The following ZNF106 variants were observed in gnomAD, a reference collection of about 807,000 sequenced individuals.
ZNF106 encodes SH3-domain binding protein 3.
ZNF106 carries 67 observed loss-of-function variants against 195.1 expected under a neutral mutation model. The ratio of observed to expected loss-of-function variants is 0.34; its 90% confidence interval spans 0.28 to 0.42. The LOEUF (loss-of-function observed/expected upper bound fraction) is 0.42, where lower values mean the gene tolerates loss of function less well. ZNF106 is among the 10% of genes least tolerant of loss of function. ZNF106 has a pLI of 1.00. For synonymous variants in ZNF106, 784 were observed against 818.6 expected (o/e 0.96, Z 0.72); for missense variants, 2,118 against 2,304.5 (o/e 0.92, Z 1.66).
Position 42,464,092 on chromosome 15 carries a change from A to G in ZNF106, c.116+1961T>C, listed in dbSNP as rs187331004. ...CATGGTGGCTCACGCCTGTAATCCC[A>G]GCACTTTGGGAGGCCGAGGCGGGCA... On this transcript the variant is annotated intron_variant, in intron 3 of 21. Transcript: ENST00000564754. Among the ~76,000 whole-genome samples the G allele has an allele frequency of 1.8e-4, 27 of 148,174 alleles. No homozygotes were observed. In the East Asian group the frequency reaches 4.4e-3, roughly 24 times the overall value.
At position 42,444,234 on chromosome 15, in the gene ZNF106, G is replaced by A; in HGVS notation, c.3389C>T (p.Thr1130Ile). 6.2e-7 allele frequency: 1 copy of A among 1,610,856 alleles called. No homozygotes were observed. Among genetic ancestry groups the A allele is most frequent in the Non-Finnish European group, 8.5e-7 (1 of 1,178,404 alleles). ...TCCCTGTAGAATCTGTATTCTATGG[G>A]TCCTCAGTGCACTCATCTCCATAGT... ...QITMEMSALR[T>I]HRIQILQGLQ... Residue 1130 changes from threonine to isoleucine, a missense_variant, in exon 9 of 22, where the codon ACC becomes ATC. Thr to Ile is a moderately conservative substitution (Grantham distance 89). Transcript: ENST00000564754.
intron 1 of ZNF106, among the ~76,000 whole-genome samples, chr15:42,484,068 T>C (rs954107285): frequency 6.6e-6 from 1 of 152,224 alleles, no homozygotes; most frequent in Non-Finnish European, 1.5e-5. Flanking sequence ...TCCTAAAACA[T>C]ATCATTGTGG....
Position 42,465,892 on chromosome 15 carries a change from T to A in ZNF106, c.116+161A>T, listed in dbSNP as rs562353369. 2.6e-5 allele frequency among the ~76,000 whole-genome samples: 4 copies of A among 152,322 alleles called. No homozygotes were observed. The East Asian group carries it at 7.7e-4, about 29-fold the overall frequency. On this transcript the variant is annotated intron_variant, in intron 3 of 21. Transcript: ENST00000564754. ...GGTATCAGAGTTTATCCCTTTTGAATGCCAAAAATCTACTACACTTGGTAT... is the reference window on the plus strand; with the variant it reads ...GGTATCAGAGTTTATCCCTTTTGAAAGCCAAAAATCTACTACACTTGGTAT...
At chr15:42,435,671 G>T (rs536917026) in intron 13 of ZNF106, among the ~76,000 whole-genome samples, 153 bp from the exon 14 acceptor site, 1 of 152,282 alleles carries the variant, frequency 6.6e-6, no homozygotes, top group African/African-American at 2.4e-5. Context: ...CTCAGTAAAT[G>T]TATGTTCACC....
At chr15:42,477,978 A>G (rs998488778) in intron 1 of ZNF106, among the ~76,000 whole-genome samples, 1 of 151,336 alleles carries the variant, frequency 6.6e-6, no homozygotes, top group Non-Finnish European at 1.5e-5. Context: ...ATACACTGTT[A>G]TTTATTTATT....
intron 15 of ZNF106, 128 bp downstream of exon 15, chr15:42,427,890 T>G: frequency 1.5e-6 from 1 of 678,388 alleles, no homozygotes; most frequent in Non-Finnish European, 2.6e-6. Flanking sequence ...TGTGTTTGAG[T>G]AGTGGCTAAT....
intron 20 of ZNF106, 84 bp downstream of exon 20, chr15:42,420,972 GCTACA>G: frequency 8.6e-7 from 1 of 1,167,546 alleles, no homozygotes; most frequent in Non-Finnish European, 1.3e-6. Context: ...ATATAAAAAT[GCTACA>G]CTGATGATAA....
chr15:42,437,153 C>A, intron 13 of ZNF106, 79 bp downstream of exon 13: 1 of 1,474,534 alleles, frequency 6.8e-7, no homozygotes, highest in Non-Finnish European at 9.2e-7. Context: ...CAACAAATTC[C>A]CTTTATTGTT....
In ZNF106 at chr15:42,472,333, A is replaced by T. The variant is rs1325779075; in HGVS notation, c.-32-12T>A. Reference sequence around the variant, plus strand: ...ACTCAACGTCACAGCTGCAATGAGGAAGTAACATTTAGTAACCTTTTCTCC... The same window carrying T: ...ACTCAACGTCACAGCTGCAATGAGGTAGTAACATTTAGTAACCTTTTCTCC... On this transcript the variant is annotated splice_polypyrimidine_tract_variant and intron_variant, in intron 1 of 21. Transcript: ENST00000564754. 3 of 1,522,982 alleles carry T rather than the reference A, an allele frequency of 2.0e-6. No homozygotes were observed. In the Admixed American group the frequency reaches 6.1e-5, roughly 31 times the overall value. 94.3% of individuals were successfully genotyped at this position (1,522,982 alleles called of 1,614,324 possible).
At chr15:42,479,049 T>G (rs1372216764) in intron 1 of ZNF106, among the ~76,000 whole-genome samples, 1 of 152,214 alleles carries the variant, frequency 6.6e-6, no homozygotes, top group East Asian at 1.9e-4. Flanking sequence ...CAAATACTTG[T>G]GGCCTTTTAC....
chr15:42,459,235 G>A (rs961639717), intron 3 of ZNF106, among the ~76,000 whole-genome samples: 16 of 152,082 alleles, frequency 1.1e-4, no homozygotes, highest in Admixed American at 1.0e-3. Context: ...CAGCACTTTG[G>A]GAGGCCGAGG....
chr15:42,460,510 T>C (rs1053272570), intron 3 of ZNF106, among the ~76,000 whole-genome samples: 1 of 152,180 alleles, frequency 6.6e-6, no homozygotes, highest in Non-Finnish European at 1.5e-5. Context: ...AGTTCCAAAA[T>C]TATTTGACAG....
chr15:42,488,211 G>C (rs1297735806), intron 1 of ZNF106, among the ~76,000 whole-genome samples: 1 of 152,118 alleles, frequency 6.6e-6, no homozygotes, highest in African/African-American at 2.4e-5. Context: ...GACGGATATG[G>C]AGGAACAATT....
chr15:42,442,145 G>T lies in ZNF106; in HGVS notation c.3691C>A (p.Gln1231Lys). The change falls in exon 10 of 22, where the codon CAA becomes AAA. Residue 1231 changes from glutamine to lysine, a missense_variant. Gln to Lys is a moderately conservative substitution (Grantham distance 53, BLOSUM62 1). Transcript: ENST00000564754. ...GGCACAGCATTCACATTCTCATCTT[G>T]TTCAGGAGACATGGGCTCTTGTTTA... ...QIKQEPMSPEQDENVNAVPPS... is the reference protein window; with the variant it reads ...QIKQEPMSPEKDENVNAVPPS... 1.9e-6 allele frequency: 3 copies of T among 1,614,134 alleles called. No individual in the cohort carries two copies. The highest frequency in any genetic ancestry group is 2.5e-6 in the Non-Finnish European group (3 of 1,180,020).
chr15:42,418,703 TA>T (rs1431203295), intron 20 of ZNF106, among the ~76,000 whole-genome samples: 1 of 152,046 alleles, frequency 6.6e-6, no homozygotes, highest in Non-Finnish European at 1.5e-5. Context: ...TTAACAATTC[TA>T]AGAACTGTTG....
intron 2 of ZNF106, 137 bp from the exon 3 acceptor site, chr15:42,466,251 T>C (rs1012132603): frequency 2.0e-6 from 1 of 501,804 alleles, no homozygotes; most frequent in African/African-American, 2.0e-5. Context: ...CTCAATTTAA[T>C]ACTGAAATCA....
chr15:42,447,638 A>C (rs1349119866), intron 6 of ZNF106, among the ~76,000 whole-genome samples: 1 of 152,236 alleles, frequency 6.6e-6, no homozygotes, highest in Non-Finnish European at 1.5e-5. Context: ...TATGCACTCT[A>C]ATAGTATTAA....
At chr15:42,468,270 G>A (rs537355184) in intron 2 of ZNF106, among the ~76,000 whole-genome samples, 86 of 150,978 alleles carry the variant, frequency 5.7e-4, no homozygotes, top group African/African-American at 2.0e-3. Flanking sequence ...TAGAGATGGG[G>A]TTTCACCATG....
intron 17 of ZNF106, among the ~76,000 whole-genome samples, chr15:42,423,370 C>CA (rs113979691): frequency 1.1e-3 from 155 of 135,122 alleles, no homozygotes; most frequent in South Asian, 2.9e-3. Context: ...ACCCCTATCT[C>CA]AAAAAAAAAA....
Sources: allele counts gnomAD v4.1 joint callset (sites outside exome capture counted in the v4.1 genomes callset), GRCh38; gene constraint gnomAD v4.1.1; transcripts MANE v1.5; gene names NCBI Gene and HGNC (gene_info 2026-07-23, HGNC 2026-07-21).